BLZF1: variants seen among roughly 807,000 people sequenced by gnomAD.
BLZF1 encodes the protein golgin-45.
BLZF1 carries 39 observed loss-of-function variants against 43.8 expected under a neutral mutation model. The observed-to-expected ratio is 0.89, with a 90% CI of 0.69 to 1.16. The LOEUF (loss-of-function observed/expected upper bound fraction) is 1.16. BLZF1 is among the 50% of genes most tolerant of loss of function. The pLI, the probability that BLZF1 is intolerant of heterozygous loss-of-function variation, is 0.00. For missense variants in BLZF1, 449 were observed against 469.8 expected (o/e 0.96, Z 0.41); for synonymous variants, 136 against 159.4 (o/e 0.85, Z 1.11).
rs7538157 is a variant in BLZF1, at chr1:169,382,306, A to G, written c.1017+25A>G. 2.5e-5 allele frequency: 39 copies of G among 1,591,352 alleles called. No individual in the cohort carries two copies. In the Admixed American group the frequency reaches 3.0e-4, roughly 12 times the overall value. ...GGTAAAATATTTTCTTTTGTGATCTATGGAACTTCTAACACTGTCCTTTTA... is the reference window on the plus strand; with the variant it reads ...GGTAAAATATTTTCTTTTGTGATCTGTGGAACTTCTAACACTGTCCTTTTA... On this transcript the variant is annotated intron_variant, in intron 6 of 6. Coordinates refer to ENST00000367808, the MANE Select transcript of BLZF1 (RefSeq NM_001320973.2).
intron 2 of BLZF1, among the ~76,000 whole-genome samples, chr1:169,376,108 A>C (rs1305936709): frequency 6.6e-6 from 1 of 152,112 alleles, no homozygotes; most frequent in Non-Finnish European, 1.5e-5. Flanking sequence ...CTTATGATGT[A>C]GATGGTTTCA....
chr1:169,387,081 G>A lies in BLZF1; in HGVS notation c.1102G>A (p.Ala368Thr). 1 of 1,613,184 alleles carries A rather than the reference G, an allele frequency of 6.2e-7. No individual in the cohort carries two copies. The highest frequency in any genetic ancestry group is 8.5e-7 in the Non-Finnish European group (1 of 1,179,642). The change falls in exon 7 of 7, where the codon GCT becomes ACT. Residue 368 changes from alanine to threonine, a missense_variant. By Grantham distance (58) the Ala-to-Thr change is moderately conservative. Coordinates refer to ENST00000367808, the MANE Select transcript of BLZF1 (RefSeq NM_001320973.2). ...FFESSPTTLL[A>T]TKKNIGRFHP... ...TGAGTCTTCACCAACCACCTTACTT[G>A]CTACAAAGAAAAATATTGGACGATT... is the stretch of plus-strand genomic sequence containing the variant.
chr1:169,369,816 T>C (rs1475325458), intron 2 of BLZF1, among the ~76,000 whole-genome samples: 1 of 151,698 alleles, frequency 6.6e-6, no homozygotes, highest in East Asian at 1.9e-4. Flanking sequence ...ATATTCCCTA[T>C]ACACTAGAAG....
chr1:169,394,174 T>C (rs1291180723), intron 7 of BLZF1, among the ~76,000 whole-genome samples: 1 of 152,218 alleles, frequency 6.6e-6, no homozygotes, highest in Non-Finnish European at 1.5e-5. Context: ...TTTCCTTCTC[T>C]GCAGAACGAC....
At chr1:169,395,180 T>G (rs1654945679) in intron 7 of BLZF1, 1 of 1,612,146 alleles carries the variant, frequency 6.2e-7, no homozygotes, top group Non-Finnish European at 8.5e-7. Flanking sequence ...CTCTGCCATT[T>G]TTTCCATCCG....
At position 169,375,881 on chromosome 1, in the gene BLZF1, A is replaced by G. The variant is rs1396341627; in HGVS notation, c.29-659A>G. Reference sequence around the variant, plus strand: ...CACTCAAAATAAATTGAAAGCCACTAGAGGGAATGAGAGAACAATAAAAGA... The same window carrying G: ...CACTCAAAATAAATTGAAAGCCACTGGAGGGAATGAGAGAACAATAAAAGA... On this transcript the variant is annotated intron_variant, in intron 2 of 6. Transcript: ENST00000367808. Among the ~76,000 whole-genome samples the G allele has an allele frequency of 2.0e-5, 3 of 151,998 alleles. No homozygotes were observed. The South Asian group carries it at 6.2e-4, about 31-fold the overall frequency.
At chr1:169,385,547 A>G (rs1030503851) in intron 6 of BLZF1, among the ~76,000 whole-genome samples, 1 of 152,214 alleles carries the variant, frequency 6.6e-6, no homozygotes. Flanking sequence ...CTCGCTCTAT[A>G]AAGACCTATA....
downstream of BLZF1, among the ~76,000 whole-genome samples, chr1:169,391,331 T>G (rs1279993298): frequency 2.0e-5 from 3 of 152,188 alleles, no homozygotes; most frequent in Non-Finnish European, 4.4e-5. Context: ...TGTGCACTTT[T>G]GAGCACAGGA....
chr1:169,369,727 G>C (rs932547194), intron 2 of BLZF1, among the ~76,000 whole-genome samples, 177 bp downstream of exon 2: 6 of 152,166 alleles, frequency 3.9e-5, no homozygotes, highest in African/African-American at 1.4e-4. Context: ...ATGTACAAGT[G>C]AAATTTAACA....
intron 4 of BLZF1, among the ~76,000 whole-genome samples, chr1:169,378,823 CA>C (rs1319860170): frequency 1.3e-5 from 2 of 151,952 alleles, no homozygotes; most frequent in Admixed American, 1.3e-4. Context: ...ATTAAAATCA[CA>C]AAAAGCCAAA....
chr1:169,378,389 CTT>C lies in BLZF1; in HGVS notation c.530_531del (p.Phe177Ter). 2 of 1,612,938 alleles carry C rather than the reference CTT, an allele frequency of 1.2e-6. No individual in the cohort carries two copies. The highest frequency in any genetic ancestry group is 1.7e-6 in the Non-Finnish European group (2 of 1,179,152). On this transcript the variant is annotated frameshift_variant, in exon 4 of 7. Transcript: ENST00000367808. LOFTEE classifies it high-confidence loss of function. ...ASVGDDLQYH[F>X]ERLAREKNQL... ...CTGTTGGGGATGATCTTCAGTATCA[CTT>C]TGAACGTCTAGCCCGTGAGAAAAAT...
rs1557848502 is a variant in BLZF1, at chr1:169,378,546, A to G, written c.668+17A>G. 6.2e-7 allele frequency: 1 copy of G among 1,608,216 alleles called. No individual in the cohort carries two copies. Among genetic ancestry groups the G allele is most frequent in the Non-Finnish European group, 8.5e-7 (1 of 1,175,536 alleles). ...TGCAAGCAGGTATTTTCTACAGCAAATAGTATTTCACTTCCTAGTTTTTGC... is the reference window on the plus strand; with the variant it reads ...TGCAAGCAGGTATTTTCTACAGCAAGTAGTATTTCACTTCCTAGTTTTTGC... On this transcript the variant is annotated intron_variant, in intron 4 of 6. Coordinates refer to ENST00000367808, the MANE Select transcript of BLZF1 (RefSeq NM_001320973.2).
chr1:169,378,500 T>C lies in BLZF1; in HGVS notation c.639T>C (p.Asp213=), dbSNP rs1182969104. The C allele has an allele frequency of 6.2e-7, 1 of 1,612,614 alleles. No homozygotes were observed. The highest frequency in any genetic ancestry group is 8.5e-7 in the Non-Finnish European group (1 of 1,178,926). The change falls in exon 4 of 7, where the codon GAT becomes GAC. Residue 213 remains aspartate (D), a synonymous_variant. Coordinates refer to ENST00000367808, the MANE Select transcript of BLZF1 (RefSeq NM_001320973.2). ...EQLERMSIQC[D]VWRSKFLASR... is the part of the protein sequence containing the mutation. ...TAGAACGTATGTCAATACAGTGTGA[T>C]GTATGGCGAAGTAAATTCCTTGCAA...
Position 169,387,380 on chromosome 1 carries a change from C to T in BLZF1, c.*198C>T. The T allele has an allele frequency of 2.0e-6, 1 of 498,216 alleles. No homozygotes were observed. Among genetic ancestry groups the T allele is most frequent in the South Asian group, 3.2e-5 (1 of 31,230 alleles). The allele number at this position is 498,216 out of a possible 1,614,324, so 30.9% of individuals were successfully genotyped here. On this transcript the variant is annotated 3_prime_UTR_variant, in exon 7 of 7. Transcript: ENST00000367808. ...ATCTCAGGGTAAGGAAAGAAAGAAA[C>T]TGTATAGATATATTTAAAATAGAGA...
intron 2 of BLZF1, among the ~76,000 whole-genome samples, chr1:169,369,874 A>G (rs528267899): frequency 1.5e-4 from 23 of 152,356 alleles, no homozygotes; most frequent in African/African-American, 5.1e-4. Flanking sequence ...AAGTAGATAG[A>G]CAAAGCAACT....
intron 2 of BLZF1, among the ~76,000 whole-genome samples, chr1:169,374,942 G>T (rs900285497): frequency 1.3e-5 from 2 of 151,860 alleles, no homozygotes; most frequent in Non-Finnish European, 2.9e-5. Flanking sequence ...TAGGTATTGA[G>T]CATGCAAATA....
downstream of BLZF1, among the ~76,000 whole-genome samples, chr1:169,391,429 G>T (rs1654812441): frequency 1.3e-5 from 2 of 152,156 alleles, no homozygotes; most frequent in South Asian, 4.1e-4. Context: ...ACTGGCCACT[G>T]AATGCAGCAC....
At chr1:169,389,390 C>T (rs1469566617), downstream of BLZF1, among the ~76,000 whole-genome samples, 3 of 152,166 alleles carry the variant, frequency 2.0e-5, no homozygotes, top group African/African-American at 7.2e-5. Context: ...TCAAAAGATG[C>T]TCAGCATAAC....
chr1:169,384,418 C>G (rs1355118288), intron 6 of BLZF1, among the ~76,000 whole-genome samples: 2 of 152,164 alleles, frequency 1.3e-5, no homozygotes, highest in Non-Finnish European at 2.9e-5. Context: ...CCACCCACTA[C>G]TGGCAGAGAG....
Sources: gnomAD v4.1 joint callset for allele counts (sites outside exome capture counted in the v4.1 genomes callset) on GRCh38, gnomAD v4.1.1 for gene constraint, MANE v1.5 for transcripts, NCBI Gene and HGNC (gene_info 2026-07-23, HGNC 2026-07-21) for gene names.